The following KCNN3 variants were observed in gnomAD, a reference collection of about 807,000 sequenced individuals.
KCNN3 encodes the protein potassium calcium-activated channel subfamily N member 3.
In KCNN3, 16 loss-of-function variants were observed where a neutral mutation model predicts 62.9. That is an observed-to-expected ratio of 0.25 (90% CI 0.17 to 0.39). The LOEUF (loss-of-function observed/expected upper bound fraction) is 0.39, where lower values mean the gene tolerates loss of function less well. Ranked by LOEUF, KCNN3 falls within the 10% of genes least tolerant of loss-of-function variation. The pLI is 1.00. For synonymous variants in KCNN3, 370 were observed against 389.2 expected (o/e 0.95, Z 0.58); for missense variants, 599 against 949.4 (o/e 0.63, Z 4.85).
intron 1 of KCNN3, among the ~76,000 whole-genome samples, chr1:154,858,927 GGCTGGGAGGCATAT>G (rs1404735921): frequency 1.3e-5 from 2 of 152,134 alleles, no homozygotes; most frequent in African/African-American, 4.8e-5. Flanking sequence ...TTCCTCACAG[GGCTGGGAGGCATAT>G]GCAGGGATCT....
chr1:154,796,798 G>A (rs1649754510), intron 2 of KCNN3, among the ~76,000 whole-genome samples: 1 of 152,254 alleles, frequency 6.6e-6, no homozygotes, highest in Non-Finnish European at 1.5e-5. Context: ...AATGGGGCAG[G>A]CAATGAGGCA....
intron 3 of KCNN3, among the ~76,000 whole-genome samples, chr1:154,755,302 G>A (rs995046054): frequency 1.1e-4 from 16 of 151,274 alleles, no homozygotes; most frequent in Non-Finnish European, 1.8e-4. Flanking sequence ...AGACTCTGTC[G>A]CCAAAAAATT....
Position 154,713,457 on chromosome 1 carries a change from C to A in KCNN3, c.1899+7G>T. ...TCTAGGGGATGTCTCCAGACACTGC[C>A]ACTCACCTTGGAAAGGTCCACCAGA... On this transcript the variant is annotated splice_region_variant and intron_variant, in intron 7 of 7. Transcript: ENST00000271915. 1 of 1,610,962 alleles carries A rather than the reference C, an allele frequency of 6.2e-7. No individual in the cohort carries two copies. Among genetic ancestry groups the A allele is most frequent in the Non-Finnish European group, 8.5e-7 (1 of 1,177,150 alleles).
Position 154,809,872 on chromosome 1 carries a change from C to T in KCNN3, c.1029+12217G>A, listed in dbSNP as rs1369883046. The stretch of plus-strand genomic sequence containing the variant: ...CAATTCAATATAAACTAACAGGCTA[C>T]CATGAAAGCTAAAAGTCACTGGCTG... On this transcript the variant is annotated intron_variant, in intron 2 of 7. Coordinates refer to ENST00000271915, the MANE Select transcript of KCNN3 (RefSeq NM_002249.6). This position sits in a 1 kb window ranked among gnomAD's most constrained non-coding sequence, Gnocchi z 4.3. Among the ~76,000 whole-genome samples, 1 of 152,150 alleles carries T rather than the reference C, an allele frequency of 6.6e-6. No homozygotes were observed. The highest frequency in any genetic ancestry group is 1.5e-5 in the Non-Finnish European group (1 of 68,032).
Position 154,725,545 on chromosome 1 carries a change from C to T in KCNN3, c.1701+371G>A, listed in dbSNP as rs201824023. 1.0e-4 allele frequency among the ~76,000 whole-genome samples: 14 copies of T among 136,218 alleles called. 4 individuals are homozygous for T. Among genetic ancestry groups the T allele is most frequent in the Non-Finnish European group, 1.1e-4 (7 of 63,000 alleles). The allele number at this position is 136,218 out of a possible 152,430, so 89.4% of individuals were successfully genotyped here. ...TGACCATTTGCTTCCTTCCTTCCTT[C>T]TTTTTTTTTTTTTTTTGAGATGGAA... On this transcript the variant is annotated intron_variant, in intron 5 of 7. Coordinates refer to ENST00000271915, the MANE Select transcript of KCNN3 (RefSeq NM_002249.6).
At chr1:154,788,696 C>A (rs1258900455) in intron 2 of KCNN3, among the ~76,000 whole-genome samples, 1 of 152,200 alleles carries the variant, frequency 6.6e-6, no homozygotes, top group Non-Finnish European at 1.5e-5. Context: ...CATCCACTCG[C>A]ATCACCCCAC....
At chr1:154,742,185 C>A (rs925235532) in intron 3 of KCNN3, among the ~76,000 whole-genome samples, 4 of 152,258 alleles carry the variant, frequency 2.6e-5, no homozygotes, top group African/African-American at 9.6e-5. Flanking sequence ...GCCCTGTCCT[C>A]CCTGATGCCT....
In KCNN3 at chr1:154,779,185, C is replaced by T. The variant is rs1231554934; in HGVS notation, c.1030-6792G>A. ...GAGCCCAGCCCAAATGACTGACCCA[C>T]AGAAACGTGACCTAAATTATTATTT... On this transcript the variant is annotated intron_variant, in intron 2 of 7. Coordinates refer to ENST00000271915, the MANE Select transcript of KCNN3 (RefSeq NM_002249.6). Among the ~76,000 whole-genome samples the T allele has an allele frequency of 2.6e-5, 4 of 152,160 alleles. No homozygotes were observed. The East Asian group carries it at 5.8e-4, about 22-fold the overall frequency.
intron 2 of KCNN3, among the ~76,000 whole-genome samples, chr1:154,784,080 ACC>A (rs1393651735): frequency 6.6e-6 from 1 of 152,148 alleles, no homozygotes; most frequent in Non-Finnish European, 1.5e-5. Flanking sequence ...GTGGAAAGAC[ACC>A]GGGTCCCCTC....
intron 1 of KCNN3, among the ~76,000 whole-genome samples, chr1:154,866,058 G>A (rs1652944310): frequency 6.6e-6 from 1 of 152,148 alleles, no homozygotes; most frequent in South Asian, 2.1e-4. Context: ...CTCCTGGGCT[G>A]TGACTAACCC....
rs186903615 is a variant in KCNN3, at chr1:154,833,775, T to C, written c.934-11591A>G. Among the ~76,000 whole-genome samples the C allele has an allele frequency of 2.1e-3, 322 of 152,322 alleles. 2 individuals are homozygous for C. The highest frequency in any genetic ancestry group is 7.4e-3 in the African/African-American group (307 of 41,574). The stretch of plus-strand genomic sequence containing the variant: ...TGTCTTAGTCCTCTCTCCACCCCTC[T>C]GCAGCTACTCAATTCAGGTTTGGGG... On this transcript the variant is annotated intron_variant, in intron 1 of 7. Coordinates refer to ENST00000271915, the MANE Select transcript of KCNN3 (RefSeq NM_002249.6).
At chr1:154,782,950 C>T (rs1295297213) in intron 2 of KCNN3, among the ~76,000 whole-genome samples, 5 of 152,214 alleles carry the variant, frequency 3.3e-5, no homozygotes, top group Admixed American at 3.3e-4. Context: ...CGGAGGCTCA[C>T]GCCTGTAATC....
In KCNN3 at chr1:154,772,132, CG is replaced by C; in HGVS notation, c.1290del (p.Asp431MetfsTer21). 6.2e-7 allele frequency: 1 copy of C among 1,614,184 alleles called. No homozygotes were observed. Among genetic ancestry groups the C allele is most frequent in the Non-Finnish European group, 8.5e-7 (1 of 1,180,042 alleles). ...RVMLLHSKLFTDASSRSIGAL... is the reference protein window; with the variant it reads ...RVMLLHSKLFXDASSRSIGAL... ...GCCCCGATGCTGCGGGACGAGGCAT[CG>C]GTGAAGAGCTTGCTGTGCAGCAGCA... is the stretch of plus-strand genomic sequence containing the variant. On this transcript the variant is annotated frameshift_variant, in exon 3 of 8. Transcript: ENST00000271915. LOFTEE classifies it high-confidence loss of function. This position sits in a 1 kb window ranked among gnomAD's most constrained non-coding sequence, Gnocchi z 5.6.
chr1:154,791,032 C>A (rs1270719903), intron 2 of KCNN3, among the ~76,000 whole-genome samples: 3 of 151,994 alleles, frequency 2.0e-5, no homozygotes, highest in Non-Finnish European at 4.4e-5. Flanking sequence ...AGTTCGAGAC[C>A]AGCCTGGCCA....
intron 1 of KCNN3, among the ~76,000 whole-genome samples, chr1:154,840,606 C>T (rs1182464395): frequency 6.6e-6 from 1 of 152,196 alleles, no homozygotes; most frequent in African/African-American, 2.4e-5. Context: ...GTCCTCATAT[C>T]GGGACAAAAC....
At chr1:154,763,830 G>A (rs1412888082) in intron 3 of KCNN3, among the ~76,000 whole-genome samples, 2 of 152,174 alleles carry the variant, frequency 1.3e-5, no homozygotes, top group African/African-American at 4.8e-5. Flanking sequence ...TTAAAAAGAA[G>A]ATGTTTGTTT....
intron 5 of KCNN3, among the ~76,000 whole-genome samples, chr1:154,717,810 A>G (rs953485777): frequency 6.6e-6 from 1 of 152,196 alleles, no homozygotes; most frequent in African/African-American, 2.4e-5. Context: ...AGCTAAGTAG[A>G]TCAATATCTG....
At chr1:154,716,530 G>A (rs1050636816) in intron 5 of KCNN3, among the ~76,000 whole-genome samples, 2 of 152,200 alleles carry the variant, frequency 1.3e-5, no homozygotes, top group East Asian at 3.8e-4. Context: ...GATAACTTTT[G>A]TGTGTGTATG....
chr1:154,849,842 G>A (rs1326775691), intron 1 of KCNN3, among the ~76,000 whole-genome samples: 1 of 152,132 alleles, frequency 6.6e-6, no homozygotes, highest in Non-Finnish European at 1.5e-5. Flanking sequence ...GTTGTAGGGG[G>A]CATCCCTGGC....
Sources: allele counts gnomAD v4.1 joint callset (sites outside exome capture counted in the v4.1 genomes callset), GRCh38; gene constraint gnomAD v4.1.1; non-coding constraint Gnocchi (gnomAD v3.1); transcripts MANE v1.5; gene names NCBI Gene and HGNC (gene_info 2026-07-23, HGNC 2026-07-21).